Variants in RALYL observed in about 807,000 individuals in gnomAD.
RALYL encodes the protein RNA-binding Raly-like protein.
RALYL carries 29 observed loss-of-function variants against 35.1 expected under a neutral mutation model. That is an observed-to-expected ratio of 0.83 (90% CI 0.61 to 1.13). The LOEUF is 1.13. RALYL is among the 50% of genes most tolerant of loss of function. RALYL has a pLI of 0.00. For synonymous variants in RALYL, 120 were observed against 127.6 expected (o/e 0.94, Z 0.40); for missense variants, 359 against 360.4 (o/e 1.00, Z 0.03).
At chr8:84,372,897 T>TTGTTTTG (rs1431452615) in intron 1 of RALYL, among the ~76,000 whole-genome samples, 2 of 136,960 alleles carry the variant, frequency 1.5e-5, no homozygotes, top group African/African-American at 2.8e-5. Context: ...TTTTTTTTTT[T>TTGTTTTG]TTTTTTTTTT....
intron 2 of RALYL, among the ~76,000 whole-genome samples, chr8:84,760,055 T>G (rs189588443): frequency 6.6e-6 from 1 of 152,320 alleles, no homozygotes; most frequent in East Asian, 1.9e-4. Flanking sequence ...AAAACCCTTT[T>G]AATATTTATT....
intron 2 of RALYL, among the ~76,000 whole-genome samples, chr8:84,769,706 A>T (rs1814965862): frequency 6.6e-6 from 1 of 152,168 alleles, no homozygotes; most frequent in Admixed American, 6.5e-5. Flanking sequence ...AGTTGCAGTG[A>T]GCCATGGGCG....
intron 1 of RALYL, among the ~76,000 whole-genome samples, chr8:84,325,860 T>C (rs2130555853): frequency 6.6e-6 from 1 of 152,344 alleles, no homozygotes; most frequent in East Asian, 1.9e-4. Context: ...CTGGGTGCAG[T>C]GGCTCATGCC....
Position 84,884,653 on chromosome 8 carries a change from T to C in RALYL, c.686-2951T>C, listed in dbSNP as rs765965498. Among the ~76,000 whole-genome samples the C allele has an allele frequency of 7.9e-5, 12 of 152,066 alleles. No individual in the cohort carries two copies. The South Asian group carries it at 8.3e-4, about 10-fold the overall frequency. On this transcript the variant is annotated intron_variant, in intron 7 of 8. Coordinates refer to ENST00000521268, the MANE Select transcript of RALYL (RefSeq NM_173848.7). ...AGAAGAAATGGATATACTAGGCCAA[T>C]TGAATTCCTAATATATGTCAATCTT...
At chr8:84,772,570 C>T (rs1348481021) in intron 2 of RALYL, among the ~76,000 whole-genome samples, 1 of 151,686 alleles carries the variant, frequency 6.6e-6, no homozygotes, top group Non-Finnish European at 1.5e-5. Context: ...ATAGATTACC[C>T]CTTAATACTT....
chr8:84,339,371 C>T (rs1329567524), intron 1 of RALYL, among the ~76,000 whole-genome samples: 2 of 151,928 alleles, frequency 1.3e-5, no homozygotes, highest in East Asian at 3.9e-4. Flanking sequence ...TGAGCTCTGC[C>T]TCCTGTCAGA....
chr8:84,890,253 A>C (rs1427065), intron 8 of RALYL, among the ~76,000 whole-genome samples: 140,336 of 152,138 alleles, frequency 0.92, 64,859 homozygotes, highest in African/African-American at 0.98. Context: ...CTGAAGACTC[A>C]TCCACTGCAA....
In RALYL at chr8:84,540,191, G is replaced by A. The variant is rs112367924; in HGVS notation, c.256+10614G>A. 7.8e-4 allele frequency among the ~76,000 whole-genome samples: 118 copies of A among 151,604 alleles called. 1 individual carries two copies. In the Middle Eastern group the frequency reaches 0.01, roughly 13 times the overall value. On this transcript the variant is annotated intron_variant, in intron 2 of 8. Coordinates refer to ENST00000521268, the MANE Select transcript of RALYL (RefSeq NM_173848.7). ...AGTTTTATTTATTATCTTCCAATAC[G>A]TACTCATTTCTTTCCTTGCTTATTC...
chr8:84,850,014 G>A lies in RALYL; in HGVS notation c.400G>A (p.Asp134Asn). The change falls in exon 5 of 9, where the codon GAT becomes AAT. Residue 134 changes from aspartate to asparagine, a missense_variant. By Grantham distance (23) the Asp-to-Asn change is conservative (BLOSUM62 1). Transcript: ENST00000521268. ...CTTTGACTATGATTACTACAGAGAT[G>A]ATTTCTACAATCGGTATGTGAATTT... ...YVFDYDYYRDDFYNRLFDYHG... is the reference protein window; with the variant it reads ...YVFDYDYYRDNFYNRLFDYHG... The A allele has an allele frequency of 6.8e-7, 1 of 1,480,020 alleles. No individual in the cohort carries two copies. Among genetic ancestry groups the A allele is most frequent in the East Asian group, 2.6e-5 (1 of 38,830 alleles). The allele number at this position is 1,480,020 out of a possible 1,614,324, so 91.7% of individuals were successfully genotyped here.
chr8:84,333,382 A>C (rs1433973472), intron 1 of RALYL, among the ~76,000 whole-genome samples: 1 of 152,176 alleles, frequency 6.6e-6, no homozygotes, highest in Admixed American at 6.6e-5. Context: ...GAAAACTATT[A>C]AGATCAATTA....
chr8:84,413,785 C>T (rs1346497483), intron 1 of RALYL, among the ~76,000 whole-genome samples: 2 of 151,926 alleles, frequency 1.3e-5, no homozygotes, highest in South Asian at 2.1e-4. Flanking sequence ...ATTAGTGTTA[C>T]GATAGGCAGT....
At chr8:84,650,721 G>T (rs1237341920) in intron 2 of RALYL, among the ~76,000 whole-genome samples, 3 of 151,452 alleles carry the variant, frequency 2.0e-5, no homozygotes, top group African/African-American at 4.9e-5. Context: ...CCCATTACTG[G>T]GTATATACCC....
At chr8:84,804,727 G>A in intron 3 of RALYL, 43 bp from the exon 4 acceptor site, 1 of 1,043,212 alleles carries the variant, frequency 9.6e-7, no homozygotes, top group Non-Finnish European at 1.3e-6. Flanking sequence ...TGAATATACA[G>A]CAAATTTTTA....
chr8:84,799,908 A>T (rs774840697), intron 3 of RALYL, among the ~76,000 whole-genome samples: 7 of 152,210 alleles, frequency 4.6e-5, no homozygotes, highest in Non-Finnish European at 7.3e-5. Context: ...GTGAGCCGAG[A>T]TCACGCCACT....
At chr8:84,916,909 G>C in intron 8 of RALYL, among the ~76,000 whole-genome samples, 1 of 152,064 alleles carries the variant, frequency 6.6e-6, no homozygotes, top group Non-Finnish European at 1.5e-5. Flanking sequence ...TATAGGAAAA[G>C]TTTCTGTGGA....
chr8:84,910,769 T>A (rs1013771205), intron 8 of RALYL, among the ~76,000 whole-genome samples: 16 of 152,014 alleles, frequency 1.1e-4, no homozygotes, highest in Admixed American at 2.6e-4. Context: ...TCTGTTTTTT[T>A]AAATCATTTA....
chr8:84,685,281 G>A (rs540757060), intron 2 of RALYL, among the ~76,000 whole-genome samples: 1 of 152,204 alleles, frequency 6.6e-6, no homozygotes, highest in East Asian at 1.9e-4. Flanking sequence ...TTGATTGATT[G>A]TAGCTCAGAG....
At chr8:84,352,661 T>C (rs1358194351) in intron 1 of RALYL, among the ~76,000 whole-genome samples, 1 of 150,468 alleles carries the variant, frequency 6.6e-6, no homozygotes, top group African/African-American at 2.5e-5. Context: ...ATCCATCAAA[T>C]GCAAAAATGA....
intron 2 of RALYL, among the ~76,000 whole-genome samples, chr8:84,573,134 T>C (rs116158420): frequency 0.014 from 2,097 of 151,452 alleles, 43 homozygotes; most frequent in African/African-American, 0.048. Flanking sequence ...ATTTTTTTAC[T>C]TTATCCCTTG....
Sources: gnomAD v4.1 joint callset for allele counts (sites outside exome capture counted in the v4.1 genomes callset) on GRCh38, gnomAD v4.1.1 for gene constraint, MANE v1.5 for transcripts, NCBI Gene and HGNC (gene_info 2026-07-23, HGNC 2026-07-21) for gene names.